PDK1: variants seen among roughly 807,000 people sequenced by gnomAD.
PDK1 encodes pyruvate dehydrogenase kinase 1, also known as [Pyruvate dehydrogenase (acetyl-transferring)] kinase isozyme 1, mitochondrial.
PDK1 carries 39 observed loss-of-function variants against 54.2 expected under a neutral mutation model. The ratio of observed to expected loss-of-function variants is 0.72; its 90% confidence interval spans 0.56 to 0.94. The LOEUF (loss-of-function observed/expected upper bound fraction) is 0.94. PDK1 is among the 40% of genes least tolerant of loss of function. PDK1 has a pLI of 0.00. For missense variants in PDK1, 552 were observed against 566.0 expected (o/e 0.98, Z 0.25); for synonymous variants, 221 against 207.1 (o/e 1.07, Z -0.58).
the PDK1 span, among the ~76,000 whole-genome samples, chr2:172,615,758 T>C: frequency 2.0e-5 from 3 of 152,234 alleles, no homozygotes; most frequent in East Asian, 3.8e-4. Context: ...GAATCAGTTA[T>C]TGGTCAGTTA....
the PDK1 span, among the ~76,000 whole-genome samples, chr2:172,697,041 G>T: frequency 6.6e-6 from 1 of 151,986 alleles, no homozygotes; most frequent in Non-Finnish European, 1.5e-5. Context: ...ATCCACTTCT[G>T]CTTGTAAAAC....
the PDK1 span, among the ~76,000 whole-genome samples, chr2:172,628,936 T>C: frequency 6.6e-6 from 1 of 152,188 alleles, no homozygotes; most frequent in South Asian, 2.1e-4. Flanking sequence ...CTGGGCAACA[T>C]AGGGAGACCC....
At position 172,604,650 on chromosome 2, in the gene PDK1, G is replaced by GTCCATAAT. The variant is rs1691227618; in HGVS notation, c.*8683_*8690dup. On this transcript the variant is annotated 3_prime_UTR_variant, in exon 11 of 11. Transcript: ENST00000282077. ...TTATTCACTTGGTCTTTGATGTGGTGTCCATAATTGAGTAAATGGCAGTAT... is the reference window on the plus strand; with the variant it reads ...TTATTCACTTGGTCTTTGATGTGGTGTCCATAATTCCATAATTGAGTAAATGGCAGTAT... 1 of 152,150 alleles carries GTCCATAAT rather than the reference G, an allele frequency of 6.6e-6. No individual in the cohort carries two copies. The highest frequency in any genetic ancestry group is 2.1e-4 in the South Asian group (1 of 4,834). 9.4% of individuals were successfully genotyped at this position (152,150 alleles called of 1,614,324 possible).
In PDK1 at chr2:172,596,984, G is replaced by T. The variant is rs2149305630; in HGVS notation, c.*1015G>T. Reference sequence around the variant, plus strand: ...CCACCTATTTAAAGTCAGATTTATAGACTCGAGGAGACAGAAACTGAATCC... The same window carrying T: ...CCACCTATTTAAAGTCAGATTTATATACTCGAGGAGACAGAAACTGAATCC... On this transcript the variant is annotated 3_prime_UTR_variant, in exon 11 of 11. Transcript: ENST00000282077. 1 of 152,244 alleles carries T rather than the reference G, an allele frequency of 6.6e-6. No individual in the cohort carries two copies. The highest frequency in any genetic ancestry group is 1.5e-5 in the Non-Finnish European group (1 of 68,032). 9.4% of individuals were successfully genotyped at this position (152,244 alleles called of 1,614,324 possible).
the PDK1 span, among the ~76,000 whole-genome samples, chr2:172,643,132 T>C: frequency 6.6e-6 from 1 of 152,226 alleles, no homozygotes; most frequent in Non-Finnish European, 1.5e-5. Context: ...ACTGTAGTTC[T>C]TTTTGGAATG....
the PDK1 span, among the ~76,000 whole-genome samples, chr2:172,677,848 T>C: frequency 2.0e-5 from 3 of 152,220 alleles, no homozygotes; most frequent in Non-Finnish European, 2.9e-5. Flanking sequence ...AATCCAAAAC[T>C]GTATAGCTAC....
chr2:172,563,235 A>AT (rs1280127129), intron 3 of PDK1, among the ~76,000 whole-genome samples: 2 of 152,138 alleles, frequency 1.3e-5, no homozygotes, highest in African/African-American at 4.8e-5. Context: ...GCTGTGGAAA[A>AT]TAAGTAGTCA....
At chr2:172,678,635 G>A in the PDK1 span, among the ~76,000 whole-genome samples, 2 of 152,216 alleles carry the variant, frequency 1.3e-5, no homozygotes, top group East Asian at 3.9e-4. Context: ...AAGGACTCCT[G>A]GAATACTTAC....
the PDK1 span, among the ~76,000 whole-genome samples, chr2:172,698,061 C>A: frequency 1.3e-5 from 2 of 152,174 alleles, no homozygotes; most frequent in Non-Finnish European, 2.9e-5. Flanking sequence ...TGAAAGAAAT[C>A]CCAGTCTACT....
chr2:172,669,578 G>GT, the PDK1 span, among the ~76,000 whole-genome samples: 2 of 152,052 alleles, frequency 1.3e-5, no homozygotes, highest in Non-Finnish European at 2.9e-5. Flanking sequence ...TTTATTTTTA[G>GT]TTTTTTTGAG....
At chr2:172,717,828 T>C in the PDK1 span, among the ~76,000 whole-genome samples, 3 of 152,204 alleles carry the variant, frequency 2.0e-5, no homozygotes, top group African/African-American at 7.2e-5. Context: ...CTTTTTTTGG[T>C]TGTCAAAATG....
intron 3 of PDK1, among the ~76,000 whole-genome samples, chr2:172,562,528 T>C (rs1688711165): frequency 6.6e-6 from 1 of 152,356 alleles, no homozygotes; most frequent in African/African-American, 2.4e-5. Context: ...AGGTGTGGCC[T>C]CAGTGCCAGT....
chr2:172,627,471 T>A, the PDK1 span, among the ~76,000 whole-genome samples: 1 of 152,176 alleles, frequency 6.6e-6, no homozygotes, highest in Non-Finnish European at 1.5e-5. Flanking sequence ...AGAACATGCT[T>A]CTATTTAGCT....
At chr2:172,693,559 T>C in the PDK1 span, among the ~76,000 whole-genome samples, 1 of 150,072 alleles carries the variant, frequency 6.7e-6, no homozygotes, top group Non-Finnish European at 1.5e-5. Context: ...GAGTGTTTGA[T>C]TTTTTTTGTT....
the PDK1 span, among the ~76,000 whole-genome samples, chr2:172,662,115 C>T: frequency 6.6e-6 from 1 of 152,166 alleles, no homozygotes; most frequent in Non-Finnish European, 1.5e-5. Flanking sequence ...TCATTCACAT[C>T]ATTGGTGAAT....
the PDK1 span, among the ~76,000 whole-genome samples, chr2:172,685,367 C>A: frequency 6.6e-6 from 1 of 152,152 alleles, no homozygotes; most frequent in South Asian, 2.1e-4. Context: ...TTCCCTTTCT[C>A]CTGGATTAAA....
the PDK1 span, among the ~76,000 whole-genome samples, chr2:172,642,703 T>C: frequency 6.6e-6 from 1 of 152,200 alleles, no homozygotes; most frequent in East Asian, 1.9e-4. Flanking sequence ...GTGTGTCCCA[T>C]GATCTTGGGC....
intron 8 of PDK1, among the ~76,000 whole-genome samples, chr2:172,571,824 T>C (rs59004833): frequency 1.4e-5 from 1 of 69,286 alleles, no homozygotes; most frequent in South Asian, 5.7e-4. Flanking sequence ...CTTTCTTTAC[T>C]TTTTTTTTTT....
chr2:172,642,787 A>ACTCCTCCTCCTC, the PDK1 span, among the ~76,000 whole-genome samples: 510 of 144,164 alleles, frequency 3.5e-3, 5 homozygotes, highest in South Asian at 8.0e-3. Context: ...TCCTCCTCCC[A>ACTCCTCCTCCTC]CTCCTCCTCC....
Sources: allele counts gnomAD v4.1 joint callset (sites outside exome capture counted in the v4.1 genomes callset), GRCh38; gene constraint gnomAD v4.1.1; transcripts MANE v1.5; gene names NCBI Gene and HGNC (gene_info 2026-07-23, HGNC 2026-07-21).